The following HHAT variants were observed in gnomAD, a reference collection of about 807,000 sequenced individuals.
HHAT encodes hedgehog acyltransferase.
HHAT carries 47 observed loss-of-function variants against 70.8 expected under a neutral mutation model. The observed-to-expected ratio is 0.66, with a 90% CI of 0.53 to 0.85. HHAT has a LOEUF of 0.85. Among genes scored for constraint, HHAT ranks in the 40% least tolerant of loss-of-function variants. The pLI is 0.00. For synonymous variants in HHAT, 228 were observed against 247.6 expected (o/e 0.92, Z 0.74); for missense variants, 609 against 604.8 (o/e 1.01, Z -0.07).
chr1:210,453,844 G>C (rs912490642), intron 7 of HHAT, among the ~76,000 whole-genome samples: 3 of 152,292 alleles, frequency 2.0e-5, no homozygotes, highest in Admixed American at 6.5e-5. Flanking sequence ...TAGGCAAAGT[G>C]AGTGATGGAC....
intron 9 of HHAT, among the ~76,000 whole-genome samples, chr1:210,557,498 T>C (rs2095583337): frequency 6.6e-6 from 1 of 152,180 alleles, no homozygotes; most frequent in Non-Finnish European, 1.5e-5. Context: ...GCTACTGTAT[T>C]AGTCTGTTTT....
chr1:210,356,258 T>C (rs1398129667), intron 2 of HHAT, among the ~76,000 whole-genome samples: 2 of 152,202 alleles, frequency 1.3e-5, no homozygotes, highest in African/African-American at 2.4e-5. Context: ...TAGAACCTTC[T>C]GATTTTGCAG....
intron 9 of HHAT, among the ~76,000 whole-genome samples, chr1:210,541,206 GAC>G (rs2095427675): frequency 6.6e-6 from 1 of 152,008 alleles, no homozygotes; most frequent in African/African-American, 2.4e-5. Flanking sequence ...AAAAAATAGA[GAC>G]AATACTGAGC....
At chr1:210,330,116 G>A (rs879600874) in intron 1 of HHAT, among the ~76,000 whole-genome samples, 4 of 152,230 alleles carry the variant, frequency 2.6e-5, no homozygotes, top group Admixed American at 2.6e-4. Flanking sequence ...AAGGAGAGGA[G>A]AGGGAAGGCT....
In HHAT at chr1:210,542,487, T is replaced by TAAAA. The variant is rs760515327; in HGVS notation, c.1043+29306_1043+29309dup. Among the ~76,000 whole-genome samples, 608 of 148,806 alleles carry TAAAA rather than the reference T, an allele frequency of 4.1e-3. 3 individuals are homozygous for TAAAA. The highest frequency in any genetic ancestry group is 0.015 in the East Asian group (77 of 5,096). On this transcript the variant is annotated intron_variant, in intron 9 of 11. Coordinates refer to ENST00000261458, the MANE Select transcript of HHAT (RefSeq NM_018194.6). Reference sequence around the variant, plus strand: ...GTTTTTGCCGCATCAGTGTTTTAGTTAAAAAAAAAATATATATATATATAT... The same window carrying TAAAA: ...GTTTTTGCCGCATCAGTGTTTTAGTTAAAAAAAAAAAAAATATATATATATATAT...
Position 210,429,027 on chromosome 1 carries a change from T to C in HHAT, c.856+10702T>C, listed in dbSNP as rs147867233. ...CGCTCCGGCAAAAGACAAAGCTTCA[T>C]AGATTAAAGAGGTTAATTATTTTTA... On this transcript the variant is annotated intron_variant, in intron 7 of 11. Coordinates refer to ENST00000261458, the MANE Select transcript of HHAT (RefSeq NM_018194.6). Among the ~76,000 whole-genome samples, 559 of 151,984 alleles carry C rather than the reference T, an allele frequency of 3.7e-3. 19 individuals are homozygous for C. The highest frequency in any genetic ancestry group is 0.013 in the African/African-American group (523 of 41,246).
At chr1:210,360,266 T>TATG (rs2088127761) in intron 2 of HHAT, among the ~76,000 whole-genome samples, 1 of 152,038 alleles carries the variant, frequency 6.6e-6, no homozygotes, top group African/African-American at 2.4e-5. Context: ...AGGTGATTTA[T>TATG]ATGAATTCTC....
intron 6 of HHAT, among the ~76,000 whole-genome samples, chr1:210,417,317 C>T (rs1286191503): frequency 6.6e-6 from 1 of 152,206 alleles, no homozygotes. Context: ...ACTGCAACCT[C>T]CGCCTCCCAG....
At chr1:210,402,020 G>C (rs1480651576) in intron 5 of HHAT, among the ~76,000 whole-genome samples, 1 of 152,218 alleles carries the variant, frequency 6.6e-6, no homozygotes, top group Non-Finnish European at 1.5e-5. Context: ...TCTCTCACTT[G>C]TCTGTTGAAT....
At chr1:210,539,175 A>G (rs1399213568) in intron 9 of HHAT, among the ~76,000 whole-genome samples, 1 of 152,232 alleles carries the variant, frequency 6.6e-6, no homozygotes, top group Non-Finnish European at 1.5e-5. Flanking sequence ...GGATCCACAC[A>G]AGAGACAAGG....
Position 210,383,092 on chromosome 1 carries a change from C to T in HHAT, c.160-4376C>T, listed in dbSNP as rs545014567. ...CGGTGGCTTATGCCTGTAATCCCAG[C>T]ACTTTGGGAGGCTGAGGCTGGTGGA... On this transcript the variant is annotated intron_variant, in intron 3 of 11. Transcript: ENST00000261458. Among the ~76,000 whole-genome samples, 5 of 152,324 alleles carry T rather than the reference C, an allele frequency of 3.3e-5. No individual in the cohort carries two copies. The East Asian group carries it at 9.7e-4, about 29-fold the overall frequency.
chr1:210,372,446 T>G (rs1173874942), intron 3 of HHAT, among the ~76,000 whole-genome samples: 1 of 152,230 alleles, frequency 6.6e-6, no homozygotes, highest in Non-Finnish European at 1.5e-5. Flanking sequence ...GTTAAATGTC[T>G]TCTCTCCCAC....
intron 10 of HHAT, among the ~76,000 whole-genome samples, chr1:210,598,863 C>A (rs75368056): frequency 0.024 from 3,667 of 152,288 alleles, 158 homozygotes; most frequent in African/African-American, 0.084. Flanking sequence ...GGTGTTCCTG[C>A]AGAGAGAATG....
intron 8 of HHAT, among the ~76,000 whole-genome samples, chr1:210,488,789 A>G (rs1285085946): frequency 6.6e-6 from 1 of 152,210 alleles, no homozygotes; most frequent in East Asian, 1.9e-4. Flanking sequence ...GCTACTCAGG[A>G]GGCTGAGGTG....
intron 10 of HHAT, among the ~76,000 whole-genome samples, chr1:210,594,627 A>G (rs1662524270): frequency 6.6e-6 from 1 of 152,096 alleles, no homozygotes; most frequent in Non-Finnish European, 1.5e-5. Context: ...TTTCCTGTGT[A>G]CTTGATATTG....
chr1:210,442,128 A>G (rs1572466815), intron 7 of HHAT, among the ~76,000 whole-genome samples: 2 of 146,732 alleles, frequency 1.4e-5, no homozygotes, highest in African/African-American at 5.1e-5. Context: ...GCGATAGTTT[A>G]CTGAGAATGA....
rs147040283 is a variant in HHAT, at chr1:210,592,442, G to A, written c.1245+4343G>A. 7.2e-5 allele frequency among the ~76,000 whole-genome samples: 11 copies of A among 152,040 alleles called. No individual in the cohort carries two copies. The East Asian group carries it at 7.7e-4, about 11-fold the overall frequency. On this transcript the variant is annotated intron_variant, in intron 10 of 11. Coordinates refer to ENST00000261458, the MANE Select transcript of HHAT (RefSeq NM_018194.6). Reference sequence around the variant, plus strand: ...CTATTTTGGTTACTAGAGCTTTGTCGTATATTTTGAAGTTAAGTAATGTGA... The same window carrying A: ...CTATTTTGGTTACTAGAGCTTTGTCATATATTTTGAAGTTAAGTAATGTGA...
At chr1:210,419,938 T>G (rs2092843873) in intron 7 of HHAT, among the ~76,000 whole-genome samples, 1 of 152,190 alleles carries the variant, frequency 6.6e-6, no homozygotes, top group Admixed American at 6.5e-5. Context: ...AAAATGGGGC[T>G]TAAACAATAA....
At chr1:210,406,300 T>G (rs891895247) in intron 6 of HHAT, among the ~76,000 whole-genome samples, 1 of 152,206 alleles carries the variant, frequency 6.6e-6, no homozygotes, top group Non-Finnish European at 1.5e-5. Flanking sequence ...AAACAGATTA[T>G]TTTCCTAACT....
Sources: allele counts gnomAD v4.1 joint callset (sites outside exome capture counted in the v4.1 genomes callset), GRCh38; gene constraint gnomAD v4.1.1; transcripts MANE v1.5; gene names NCBI Gene and HGNC (gene_info 2026-07-23, HGNC 2026-07-21).